Variants in KCP observed in about 807,000 individuals in gnomAD.
The protein encoded by KCP is kielin/chordin-like protein.
Under a neutral mutation model 212.7 loss-of-function variants are expected in KCP, and 194 were observed. That is an observed-to-expected ratio of 0.91 (90% CI 0.81 to 1.03). KCP has a LOEUF of 1.03. Ranked by LOEUF, KCP falls within the 50% of genes least tolerant of loss-of-function variation. The probability of loss-of-function intolerance (pLI) is 0.00; values close to 1 mark genes in which losing one functional copy is unlikely to be tolerated. For missense variants in KCP, 2,080 were observed against 2,162.5 expected (o/e 0.96, Z 0.76); for synonymous variants, 833 against 865.3 (o/e 0.96, Z 0.65).
chr7:128,893,609 C>G, intron 11 of KCP, 133 bp from the exon 12 acceptor site: 1 of 946,208 alleles, frequency 1.1e-6, no homozygotes, highest in Admixed American at 2.2e-5. Context: ...CTGCCAGCAG[C>G]CCCCTGCCCC....
At position 128,881,658 on chromosome 7, in the gene KCP, G is replaced by T; in HGVS notation, c.3392C>A (p.Thr1131Asn). The T allele has an allele frequency of 6.6e-7, 1 of 1,514,066 alleles. No individual in the cohort carries two copies. The highest frequency in any genetic ancestry group is 8.8e-7 in the Non-Finnish European group (1 of 1,137,226). 93.8% of individuals were successfully genotyped at this position (1,514,066 alleles called of 1,614,324 possible). ...TACGGGGCAGCAGCTCCCAGGGGGA[G>T]TGTGGCGCTCTGAGAGGGGACAGCT... is the stretch of plus-strand genomic sequence containing the variant. ...ELSCPLSERH[T>N]PPGSCCPVCR... Residue 1131 changes from threonine to asparagine, a missense_variant, in exon 31 of 40, where the codon ACT becomes AAT. Physicochemically the swap from Thr to Asn is moderately conservative, Grantham distance 65. Coordinates refer to ENST00000610776, the MANE Select transcript of KCP (RefSeq NM_001366122.1).
Position 128,877,318 on chromosome 7 carries a change from G to T in KCP, c.4619-7C>A. ...TCCAGGGGGCAGCCTACCACTGCAG[G>T]GGGAGTGGGAGGCGGGGTTACCAAG... On this transcript the variant is annotated splice_region_variant and splice_polypyrimidine_tract_variant and intron_variant, in intron 39 of 39. Coordinates refer to ENST00000610776, the MANE Select transcript of KCP (RefSeq NM_001366122.1). 1 of 1,526,958 alleles carries T rather than the reference G, an allele frequency of 6.5e-7. No individual in the cohort carries two copies. Among genetic ancestry groups the T allele is most frequent in the Admixed American group, 2.3e-5 (1 of 44,026 alleles). The allele number at this position is 1,526,958 out of a possible 1,614,324, so 94.6% of individuals were successfully genotyped here. A position where few individuals can be genotyped will look rare whatever the true frequency, so the allele number is the denominator to read the frequency against.
At position 128,893,473 on chromosome 7, in the gene KCP, C is replaced by T. The variant is rs756424691; in HGVS notation, c.1103G>A (p.Cys368Tyr). 1 of 1,549,926 alleles carries T rather than the reference C, an allele frequency of 6.5e-7. No individual in the cohort carries two copies. The highest frequency in any genetic ancestry group is 1.4e-5 in the African/African-American group (1 of 73,014). ...CTGATACTGGTGTCCCTGGTACTCA[C>T]AGCCTGGATGGGATGACAGGGGCGT... ...PGQCCPVCDG[C>Y]EYQGHQYQSQ... Residue 368 changes from cysteine to tyrosine, a missense_variant, in exon 12 of 40, where the codon TGT becomes TAT. Coordinates refer to ENST00000610776, the MANE Select transcript of KCP (RefSeq NM_001366122.1).
In KCP at chr7:128,893,452, T is replaced by C; in HGVS notation, c.1124A>G (p.Tyr375Cys). ...GAGTCTGAAGGTCTCCTGGCTCTGA[T>C]ACTGGTGTCCCTGGTACTCACAGCC... ...CDGCEYQGHQ[Y>C]QSQETFRLQE... Residue 375 changes from tyrosine (Y) to cysteine (C), a missense_variant, in exon 12 of 40, where the codon TAT becomes TGT. By Grantham distance (194) the Tyr-to-Cys change is radical. Transcript: ENST00000610776. The C allele has an allele frequency of 6.4e-7, 1 of 1,551,482 alleles. No homozygotes were observed. The highest frequency in any genetic ancestry group is 8.7e-7 in the Non-Finnish European group (1 of 1,146,862).
intron 22 of KCP, among the ~76,000 whole-genome samples, chr7:128,888,613 GACACAC>G (rs753376588): frequency 9.5e-6 from 1 of 105,064 alleles, no homozygotes; most frequent in Non-Finnish European, 2.1e-5. Flanking sequence ...CACACAGCCA[GACACAC>G]ACACACACAT....
At chr7:128,892,021 C>T (rs373952264) in intron 16 of KCP, among the ~76,000 whole-genome samples, 106 of 152,320 alleles carry the variant, frequency 7.0e-4, no homozygotes, top group African/African-American at 2.5e-3. Context: ...GGTCATTCAC[C>T]TGCAGGCAGA....
chr7:128,892,451 G>A (rs1794215823), intron 16 of KCP, 63 bp downstream of exon 16: 1 of 1,236,926 alleles, frequency 8.1e-7, no homozygotes, highest in African/African-American at 1.5e-5. Context: ...TTGGGCCCAT[G>A]GGGCTGTGGG....
chr7:128,888,514 AG>A (rs1307363861), intron 22 of KCP, among the ~76,000 whole-genome samples: 1 of 150,916 alleles, frequency 6.6e-6, no homozygotes, highest in Non-Finnish European at 1.5e-5. Flanking sequence ...CAACACACAC[AG>A]CCACACACAG....
chr7:128,904,475 C>T, intron 5 of KCP: 1 of 965,500 alleles, frequency 1.0e-6, no homozygotes, highest in Non-Finnish European at 1.6e-6. Context: ...CCTGTTCCAT[C>T]CCTCTCCTTT....
intron 21 of KCP, 189 bp downstream of exon 21, chr7:128,890,152 TCA>T: frequency 9.7e-7 from 1 of 1,034,600 alleles, no homozygotes; most frequent in Non-Finnish European, 1.4e-6. Context: ...ACTCCTGGGC[TCA>T]AGTGATCCTC....
At chr7:128,878,182 G>A (rs1468360241) in intron 38 of KCP, among the ~76,000 whole-genome samples, 4 of 151,198 alleles carry the variant, frequency 2.6e-5, no homozygotes, top group Non-Finnish European at 4.4e-5. Context: ...TCAGCCACCC[G>A]AGTAGCTGGG....
intron 21 of KCP, chr7:128,889,920 C>CT (rs35633844): frequency 0.021 from 2,068 of 99,568 alleles, 181 homozygotes; most frequent in East Asian, 0.1. Context: ...TAGTGTCAGG[C>CT]TTTTTTTTTT....
In KCP at chr7:128,896,613, G is replaced by A. The variant is rs536956575; in HGVS notation, c.832-2320C>T. Among the ~76,000 whole-genome samples, 7 of 152,152 alleles carry A rather than the reference G, an allele frequency of 4.6e-5. 1 individual carries two copies. In the South Asian group the frequency reaches 1.5e-3, roughly 32 times the overall value. On this transcript the variant is annotated intron_variant, in intron 8 of 39. Coordinates refer to ENST00000610776, the MANE Select transcript of KCP (RefSeq NM_001366122.1). ...TGCCAAAAAAGATCCCTCCATGGCC[G>A]GTCGCGGTGGCTCACACACCTGTAA... is the stretch of plus-strand genomic sequence containing the variant.
intron 8 of KCP, among the ~76,000 whole-genome samples, chr7:128,900,933 T>G (rs746855529): frequency 6.6e-6 from 1 of 152,138 alleles, no homozygotes; most frequent in Non-Finnish European, 1.5e-5. Flanking sequence ...AGGAGCTGGA[T>G]AAAAATGAGG....
In KCP at chr7:128,887,210, C is replaced by T. The variant is rs1164741496; in HGVS notation, c.2598+5G>A. 2.6e-6 allele frequency: 4 copies of T among 1,551,330 alleles called. No individual in the cohort carries two copies. Among genetic ancestry groups the T allele is most frequent in the South Asian group, 1.2e-5 (1 of 84,060 alleles). ...GTTACCAAGGTCCTAAAGGGGCTGC[C>T]TCACCTGGCAGGTGCAGAGGGAGCA... On this transcript the variant is annotated splice_donor_5th_base_variant and intron_variant, in intron 23 of 39. Transcript: ENST00000610776.
In KCP at chr7:128,893,436, G is replaced by A; in HGVS notation, c.1140C>T (p.Thr380=). 1.3e-6 allele frequency: 2 copies of A among 1,551,624 alleles called. No individual in the cohort carries two copies. The highest frequency in any genetic ancestry group is 1.7e-6 in the Non-Finnish European group (2 of 1,146,936). Residue 380 remains threonine, a synonymous_variant, in exon 12 of 40, where the codon ACC becomes ACT. Coordinates refer to ENST00000610776, the MANE Select transcript of KCP (RefSeq NM_001366122.1). ...YQGHQYQSQE[T]FRLQERGLCV... Reference sequence around the variant, plus strand: ...AGAGGCCCCGCTCTTGGAGTCTGAAGGTCTCCTGGCTCTGATACTGGTGTC... The same window carrying A: ...AGAGGCCCCGCTCTTGGAGTCTGAAAGTCTCCTGGCTCTGATACTGGTGTC...
At chr7:128,897,750 T>TTATC (rs1256474619) in intron 8 of KCP, among the ~76,000 whole-genome samples, 27 of 152,232 alleles carry the variant, frequency 1.8e-4, no homozygotes, top group Non-Finnish European at 1.5e-5. Context: ...TTTTGGAGCT[T>TTATC]TAGATTCTAG....
intron 26 of KCP, among the ~76,000 whole-genome samples, chr7:128,885,622 C>T (rs756389153): frequency 6.8e-6 from 1 of 147,578 alleles, no homozygotes. Context: ...AACCATGTGC[C>T]CAAGGTAACT....
chr7:128,886,153 A>G (rs1793632114), intron 26 of KCP, among the ~76,000 whole-genome samples: 1 of 152,146 alleles, frequency 6.6e-6, no homozygotes, highest in Non-Finnish European at 1.5e-5. Flanking sequence ...CTGCAGCCTC[A>G]AACTCCTGGG....
Sources: gnomAD v4.1 joint callset for allele counts (sites outside exome capture counted in the v4.1 genomes callset) on GRCh38, gnomAD v4.1.1 for gene constraint, MANE v1.5 for transcripts, NCBI Gene and HGNC (gene_info 2026-07-23, HGNC 2026-07-21) for gene names.